The following DNAJC15 variants were observed in gnomAD, a reference collection of about 807,000 sequenced individuals.
DNAJC15 encodes the protein dnaJ homolog subfamily C member 15.
In DNAJC15, 27 loss-of-function variants were observed where a neutral mutation model predicts 22.4. That is an observed-to-expected ratio of 1.20 (90% CI 0.89 to 1.66). The LOEUF is 1.66. Ranked by LOEUF, DNAJC15 falls within the 40% of genes most tolerant of loss-of-function variation. The pLI is 0.00. For missense variants in DNAJC15, 208 were observed against 187.1 expected (o/e 1.11, Z -0.65); for synonymous variants, 79 against 63.2 (o/e 1.25, Z -1.19).
intron 1 of DNAJC15, among the ~76,000 whole-genome samples, chr13:43,026,232 A>G (rs1281064153): frequency 6.6e-6 from 1 of 152,222 alleles, no homozygotes; most frequent in Non-Finnish European, 1.5e-5. Flanking sequence ...CTGTACTAAA[A>G]CAGTGTAATA....
rs1447204161 is a variant in DNAJC15 at position 43,109,359 on chromosome 13, A to T, written c.*2111A>T. 1 of 152,222 alleles carries T rather than the reference A, an allele frequency of 6.6e-6. No individual in the cohort carries two copies. Among genetic ancestry groups the T allele is most frequent in the African/African-American group, 2.4e-5 (1 of 41,458 alleles). The allele number at this position is 152,222 out of a possible 1,614,324, so 9.4% of individuals were successfully genotyped here. ...TCTGGAGCACTTGCATTTAGCAGGC[A>T]TCATAAAGTTTTACGTACCAAGAAA... On this transcript the variant is annotated 3_prime_UTR_variant, in exon 6 of 6. Coordinates refer to ENST00000379221, the MANE Select transcript of DNAJC15 (RefSeq NM_013238.3).
At chr13:43,043,221 C>T (rs541563567) in intron 1 of DNAJC15, among the ~76,000 whole-genome samples, 1 of 152,164 alleles carries the variant, frequency 6.6e-6, no homozygotes, top group Non-Finnish European at 1.5e-5. Context: ...GAGTCTCCCC[C>T]CTCAGCCTCC....
intron 5 of DNAJC15, among the ~76,000 whole-genome samples, chr13:43,100,205 C>CTTTTTTTT (rs368386623): frequency 4.5e-5 from 5 of 110,512 alleles, no homozygotes; most frequent in South Asian, 3.4e-4. Context: ...TTATTGAAGT[C>CTTTTTTTT]TTTTTTTTTT....
At chr13:43,107,041 T>C in intron 5 of DNAJC15, 137 bp from the exon 6 acceptor site, 2 of 660,782 alleles carry the variant, frequency 3.0e-6, no homozygotes, top group Non-Finnish European at 4.6e-6. Flanking sequence ...TTTTGATTTC[T>C]AGTTAGCTTA....
chr13:43,075,084 A>G (rs1001992996), intron 3 of DNAJC15, among the ~76,000 whole-genome samples: 6 of 152,156 alleles, frequency 3.9e-5, no homozygotes, highest in African/African-American at 1.2e-4. Flanking sequence ...TGTGTAACAT[A>G]GCAATTTTTT....
At chr13:43,033,592 C>A (rs964921431) in intron 1 of DNAJC15, among the ~76,000 whole-genome samples, 5 of 152,086 alleles carry the variant, frequency 3.3e-5, no homozygotes, top group Non-Finnish European at 7.4e-5. Flanking sequence ...GTTTTTCAGA[C>A]TTGCTTTATT....
Position 43,078,661 on chromosome 13 carries a change from G to A in DNAJC15, c.284G>A (p.Arg95Gln), listed in dbSNP as rs115803506. 2.2e-5 allele frequency: 35 copies of A among 1,613,480 alleles called. No individual in the cohort carries two copies. The East Asian group carries it at 2.2e-4, about 10-fold the overall frequency. ...GGATTTGAACAGAAAATGAGTAGGCGAGAAGCTGGTCTTATTTTAGGTGTA... is the reference window on the plus strand; with the variant it reads ...GGATTTGAACAGAAAATGAGTAGGCAAGAAGCTGGTCTTATTTTAGGTGTA... ...KGGFEQKMSR[R>Q]EAGLILGVSP... The change falls in exon 4 of 6, where the codon CGA becomes CAA. Residue 95 changes from arginine to glutamine, a missense_variant. Arg to Gln is a conservative substitution (Grantham distance 43). Transcript: ENST00000379221.
intron 5 of DNAJC15, among the ~76,000 whole-genome samples, chr13:43,087,206 A>G (rs981378634): frequency 6.6e-6 from 1 of 152,196 alleles, no homozygotes; most frequent in African/African-American, 2.4e-5. Flanking sequence ...TCCCTCTGAG[A>G]ATATATTGAC....
intron 5 of DNAJC15, among the ~76,000 whole-genome samples, chr13:43,105,146 A>G (rs756818223): frequency 1.3e-5 from 2 of 151,940 alleles, no homozygotes; most frequent in African/African-American, 4.8e-5. Flanking sequence ...CACTTGGCCT[A>G]CAAGAATCAT....
intron 5 of DNAJC15, among the ~76,000 whole-genome samples, chr13:43,106,666 GTA>G (rs1292419335): frequency 6.6e-6 from 1 of 151,946 alleles, no homozygotes; most frequent in East Asian, 1.9e-4. Flanking sequence ...GCACTGGGTA[GTA>G]TATAGTTGCC....
intron 3 of DNAJC15, among the ~76,000 whole-genome samples, chr13:43,072,656 T>G (rs899849741): frequency 1.3e-5 from 2 of 151,834 alleles, no homozygotes; most frequent in African/African-American, 4.8e-5. Context: ...TTCTGCCTCC[T>G]GAGTTTAAGT....
intron 5 of DNAJC15, 135 bp downstream of exon 5, chr13:43,085,973 A>G (rs1364586823): frequency 1.4e-6 from 1 of 721,780 alleles, no homozygotes; most frequent in Non-Finnish European, 2.2e-6. Context: ...TTTCTCATAA[A>G]TGAGCATTTA....
intron 5 of DNAJC15, among the ~76,000 whole-genome samples, chr13:43,099,511 TG>T (rs1380854357): frequency 6.6e-6 from 1 of 152,240 alleles, no homozygotes; most frequent in Non-Finnish European, 1.5e-5. Context: ...GTGGGTTTTT[TG>T]TAGATGCTTT....
At chr13:43,051,356 C>A (rs1038780892) in intron 1 of DNAJC15, among the ~76,000 whole-genome samples, 1 of 152,088 alleles carries the variant, frequency 6.6e-6, no homozygotes, top group East Asian at 1.9e-4. Flanking sequence ...GTGGTGACAT[C>A]TGAGATTTTA....
chr13:43,038,594 C>T (rs1317717309), intron 1 of DNAJC15, among the ~76,000 whole-genome samples: 1 of 152,006 alleles, frequency 6.6e-6, no homozygotes, highest in African/African-American at 2.4e-5. Context: ...AGATCGAGAC[C>T]ATCCTGGCTA....
intron 1 of DNAJC15, 23 bp downstream of exon 1, chr13:43,023,757 ACC>A (rs758293171): frequency 6.3e-7 from 1 of 1,580,704 alleles, no homozygotes; most frequent in Non-Finnish European, 8.6e-7. Context: ...AGCGGCCCCC[ACC>A]CCTCTCTGGC....
intron 1 of DNAJC15, among the ~76,000 whole-genome samples, chr13:43,052,189 T>C (rs1193868059): frequency 6.6e-6 from 1 of 152,052 alleles, no homozygotes; most frequent in African/African-American, 2.4e-5. Context: ...GGTCTCGATC[T>C]CCTGACCTTG....
chr13:43,048,878 GCTA>G (rs1263391410), intron 1 of DNAJC15, among the ~76,000 whole-genome samples: 1 of 151,784 alleles, frequency 6.6e-6, no homozygotes, highest in African/African-American at 2.4e-5. Context: ...GAAAATGTTA[GCTA>G]CTTTTTTAAG....
At position 43,108,451 on chromosome 13, in the gene DNAJC15, G is replaced by A. The variant is rs2040808908; in HGVS notation, c.*1203G>A. Reference sequence around the variant, plus strand: ...GTGAGAGAACAGATTCAGATAGAGTGCCAGCATTGTTTCCCAGTATTCCTT... The same window carrying A: ...GTGAGAGAACAGATTCAGATAGAGTACCAGCATTGTTTCCCAGTATTCCTT... On this transcript the variant is annotated 3_prime_UTR_variant, in exon 6 of 6. Coordinates refer to ENST00000379221, the MANE Select transcript of DNAJC15 (RefSeq NM_013238.3). 6.6e-6 allele frequency: 1 copy of A among 152,148 alleles called. No homozygotes were observed. The highest frequency in any genetic ancestry group is 1.5e-5 in the Non-Finnish European group (1 of 68,008). 9.4% of individuals were successfully genotyped at this position (152,148 alleles called of 1,614,324 possible). A position where few individuals can be genotyped will look rare whatever the true frequency, so the allele number is the denominator to read the frequency against.
Sources: gnomAD v4.1 joint callset for allele counts (sites outside exome capture counted in the v4.1 genomes callset) on GRCh38, gnomAD v4.1.1 for gene constraint, MANE v1.5 for transcripts, NCBI Gene and HGNC (gene_info 2026-07-23, HGNC 2026-07-21) for gene names.